Variants in ZNF717 observed in about 807,000 individuals in gnomAD.
ZNF717 encodes the protein krueppel-like factor X17.
A neutral mutation model predicts 13.8 loss-of-function variants in ZNF717; 9 were observed. The observed-to-expected ratio is 0.65, with a 90% confidence interval of 0.39 to 1.14. The LOEUF (loss-of-function observed/expected upper bound fraction) is 1.14. ZNF717 is among the 50% of genes most tolerant of loss of function. ZNF717 has a pLI of 0.01. For missense variants in ZNF717, 1,040 were observed against 1,080.7 expected, an observed-to-expected ratio of 0.96 and a Z score of 0.53; for synonymous variants, 327 against 364.1, an observed-to-expected ratio of 0.90 and a Z score of 1.16.
chr3:75,782,836 T>A (rs1235929915), intron 2 of ZNF717, among the ~76,000 whole-genome samples: 1 of 152,006 alleles, frequency 6.6e-6, no homozygotes, highest in African/African-American at 2.4e-5. Flanking sequence ...CACGCCGTGC[T>A]TTAGCGGATG....
intron 2 of ZNF717, among the ~76,000 whole-genome samples, chr3:75,770,847 T>C (rs1575947031): frequency 6.6e-6 from 1 of 152,146 alleles, no homozygotes. Context: ...GAAACAGGAC[T>C]GCAAACCACA....
At chr3:75,732,560 C>T (rs1938661605), downstream of ZNF717, among the ~76,000 whole-genome samples, 1 of 152,204 alleles carries the variant, frequency 6.6e-6, no homozygotes, top group African/African-American at 2.4e-5. Flanking sequence ...CCAAATGAAG[C>T]TTCTTTGTCC....
intron 2 of ZNF717, chr3:75,741,939 A>G: frequency 1.6e-6 from 1 of 625,920 alleles, no homozygotes; most frequent in South Asian, 2.5e-5. Flanking sequence ...GAATCTGGGA[A>G]TTCACTCTTT....
intron 6 of ZNF717, among the ~76,000 whole-genome samples, chr3:75,695,060 G>C (rs796170436): frequency 1.3e-5 from 2 of 152,206 alleles, no homozygotes; most frequent in African/African-American, 2.4e-5. Context: ...GGATAGAGAA[G>C]CAGGACAATA....
chr3:75,725,005 C>T (rs35525335), downstream of ZNF717, among the ~76,000 whole-genome samples: 48,857 of 151,664 alleles, frequency 0.32, 8,956 homozygotes, highest in Non-Finnish European at 0.42. Flanking sequence ...CAGTGAAACC[C>T]TCACACTCTC....
chr3:75,745,597 A>G (rs1941072583), intron 2 of ZNF717, among the ~76,000 whole-genome samples: 1 of 152,076 alleles, frequency 6.6e-6, no homozygotes, highest in Admixed American at 6.6e-5. Context: ...CTAAGTATGT[A>G]TCCTCTGATT....
chr3:75,721,486 G>C (rs1938164475), intron 4 of ZNF717, among the ~76,000 whole-genome samples: 1 of 152,128 alleles, frequency 6.6e-6, no homozygotes, highest in Middle Eastern at 3.2e-3. Context: ...TTGCAATGTT[G>C]GCCAGGCTGT....
rs1393632943 is a variant in ZNF717 at position 75,740,649 on chromosome 3, G to C, written c.277+627C>G. On this transcript the variant is annotated intron_variant, in intron 4 of 4. Coordinates refer to ENST00000652011, the MANE Select transcript of ZNF717 (RefSeq NM_001290208.3). Reference sequence around the variant, plus strand: ...AAGTTCGAGACCAGCCTGGGCAATAGAACAAGACCTCATCTCCACAAACAA... The same window carrying C: ...AAGTTCGAGACCAGCCTGGGCAATACAACAAGACCTCATCTCCACAAACAA... Among the ~76,000 whole-genome samples the C allele has an allele frequency of 2.7e-5, 4 of 149,366 alleles. No homozygotes were observed. The Admixed American group carries it at 2.7e-4, about 10-fold the overall frequency.
chr3:75,747,691 G>A (rs1262422766), intron 2 of ZNF717, among the ~76,000 whole-genome samples: 3 of 152,132 alleles, frequency 2.0e-5, no homozygotes, highest in Admixed American at 2.0e-4. Flanking sequence ...GAATGCTTGT[G>A]ATTTTTGTAC....
Position 75,750,456 on chromosome 3 carries a change from T to C in ZNF717, c.58-8720A>G, listed in dbSNP as rs567950900. Reference sequence around the variant, plus strand: ...CTCCTACTGTGGTCTGAATGCTTGTTCCTCACATACAATTCCAGTACACTC... The same window carrying C: ...CTCCTACTGTGGTCTGAATGCTTGTCCCTCACATACAATTCCAGTACACTC... On this transcript the variant is annotated intron_variant, in intron 2 of 4. Coordinates refer to ENST00000652011, the MANE Select transcript of ZNF717 (RefSeq NM_001290208.3). Among the ~76,000 whole-genome samples the C allele has an allele frequency of 2.0e-3, 280 of 143,498 alleles. 3 individuals are homozygous for C. The highest frequency in any genetic ancestry group is 6.6e-3 in the African/African-American group (251 of 38,096). The allele number at this position is 143,498 out of a possible 152,430, so 94.1% of individuals were successfully genotyped here. A position where few individuals can be genotyped will look rare whatever the true frequency, so the allele number is the denominator to read the frequency against.
downstream of ZNF717, among the ~76,000 whole-genome samples, chr3:75,728,107 C>A (rs1189209665): frequency 1.5e-5 from 1 of 68,298 alleles, no homozygotes; most frequent in South Asian, 3.2e-4. Flanking sequence ...CATATGGTTT[C>A]TCCTATGAAA....
At chr3:75,783,483 G>A in intron 1 of ZNF717, 119 bp from the exon 2 acceptor site, 2 of 708,946 alleles carry the variant, frequency 2.8e-6, no homozygotes, top group Non-Finnish European at 2.3e-6. Context: ...TCCTGAAAAA[G>A]AAAAACTTCC....
chr3:75,761,637 CA>C (rs1198007893), intron 2 of ZNF717, among the ~76,000 whole-genome samples: 2 of 152,246 alleles, frequency 1.3e-5, no homozygotes, highest in East Asian at 3.8e-4. Context: ...TGAAATTCCA[CA>C]AAATACTGGT....
intron 6 of ZNF717, among the ~76,000 whole-genome samples, chr3:75,696,965 A>G (rs1305526041): frequency 2.0e-5 from 3 of 152,292 alleles, no homozygotes; most frequent in African/African-American, 7.2e-5. Context: ...AAAAAATTTG[A>G]TAAAATTTAA....
Position 75,737,494 on chromosome 3 carries a change from T to C in ZNF717, c.2129A>G (p.Asn710Ser). 1 of 1,554,482 alleles carries C rather than the reference T, an allele frequency of 6.4e-7. No individual in the cohort carries two copies. The highest frequency in any genetic ancestry group is 1.2e-5 in the South Asian group (1 of 84,216). ...KSPMNVMNVE[N>S]PFIRRQIFRS... ...GAAGATTTGCCTTCTGATGAAAGGA[T>C]TTTCCACATTCATTACATTCATAGG... Residue 710 changes from asparagine to serine, a missense_variant, in exon 5 of 5, where the codon AAT (asparagine) becomes AGT (serine). Around this residue, in one of 3 missense-constraint regions of ZNF717, gnomAD observed 873 missense variants for 832.8 expected, o/e 1.05. Transcript: ENST00000652011.
downstream of ZNF717, among the ~76,000 whole-genome samples, chr3:75,734,248 T>C (rs1401592529): frequency 6.6e-6 from 1 of 151,434 alleles, no homozygotes; most frequent in Admixed American, 6.6e-5. Flanking sequence ...TTTTTGTATT[T>C]TTATTAGAGA....
intron 1 of ZNF717, among the ~76,000 whole-genome samples, chr3:75,784,349 C>G (rs1945018137): frequency 6.6e-6 from 1 of 152,204 alleles, no homozygotes; most frequent in African/African-American, 2.4e-5. Context: ...CAAGTATTAA[C>G]TGTTACACCT....
At position 75,738,460 on chromosome 3, in the gene ZNF717, G is replaced by C. The variant is rs1553661775; in HGVS notation, c.1163C>G (p.Thr388Ser). The change falls in exon 5 of 5, where the codon ACT becomes AGT. Residue 388 changes from threonine to serine, a missense_variant. Physicochemically the swap from Thr to Ser is moderately conservative, Grantham distance 58 (BLOSUM62 1). Coordinates refer to ENST00000652011, the MANE Select transcript of ZNF717 (RefSeq NM_001290208.3). ...CKSLLTLHHR[T>S]HSGEKPYQCS... ...CTGATAGGGCTTTTCCCCTGAGTGA[G>C]TTCTGTGATGTAAAGTGAGAAGTGA... The C allele has an allele frequency of 1.3e-6, 2 of 1,532,040 alleles. No homozygotes were observed. The highest frequency in any genetic ancestry group is 1.4e-5 in the African/African-American group (1 of 72,544). 94.9% of individuals were successfully genotyped at this position (1,532,040 alleles called of 1,614,324 possible). A position where few individuals can be genotyped will look rare whatever the true frequency, so the allele number is the denominator to read the frequency against.
intron 2 of ZNF717, among the ~76,000 whole-genome samples, chr3:75,777,453 C>T (rs550777208): frequency 6.6e-6 from 1 of 151,292 alleles, no homozygotes; most frequent in African/African-American, 2.4e-5. Context: ...ACCAGAAACC[C>T]AAAACAATGG....
Sources: gnomAD v4.1 joint callset for allele counts (sites outside exome capture counted in the v4.1 genomes callset) on GRCh38, gnomAD v4.1.1 for gene constraint, gnomAD v4.1.1 regional missense constraint, MANE v1.5 for transcripts, NCBI Gene and HGNC (gene_info 2026-07-23, HGNC 2026-07-21) for gene names.